Variants in SLC60A2 observed in about 807,000 individuals in gnomAD.
SLC60A2 encodes major facilitator superfamily domain containing 4B.
chr6:111,259,640 G>GGTGGTGGTC, the SLC60A2 span: 1 of 1,535,274 alleles, frequency 6.5e-7, no homozygotes, highest in Non-Finnish European at 8.8e-7. Flanking sequence ...AGCCGGAGGT[G>GGTGGTGGTC]GTGGTGGTCT....
chr6:111,263,711 A>G, the SLC60A2 span: 2 of 593,764 alleles, frequency 3.4e-6, no homozygotes, highest in Non-Finnish European at 6.1e-6. Context: ...AAAAACTCTC[A>G]TCTACTCATT....
the SLC60A2 span, chr6:111,265,358 C>T: frequency 1.0e-6 from 1 of 985,018 alleles, no homozygotes; most frequent in Non-Finnish European, 1.2e-6. Flanking sequence ...AAACGGTGTC[C>T]TTGTTTCCTC....
the SLC60A2 span, among the ~76,000 whole-genome samples, chr6:111,279,038 A>T: frequency 6.6e-6 from 1 of 152,162 alleles, no homozygotes; most frequent in Admixed American, 6.5e-5. Flanking sequence ...CTTAAATACC[A>T]ATTTGGTCTG....
At chr6:111,266,520 A>G in the SLC60A2 span, 45 of 1,614,032 alleles carry the variant, frequency 2.8e-5, no homozygotes, top group East Asian at 1.3e-4. Flanking sequence ...CAAGAACCCA[A>G]TTTGTCTCTG....
the SLC60A2 span, among the ~76,000 whole-genome samples, chr6:111,279,781 A>T: frequency 2.0e-5 from 3 of 152,092 alleles, no homozygotes; most frequent in African/African-American, 7.2e-5. Flanking sequence ...TGAATTTAAG[A>T]CTACTCACCT....
the SLC60A2 span, among the ~76,000 whole-genome samples, chr6:111,272,825 A>C: frequency 6.6e-6 from 1 of 150,552 alleles, no homozygotes; most frequent in Non-Finnish European, 1.5e-5. Flanking sequence ...ATCTAACTGT[A>C]TATATATATG....
the SLC60A2 span, chr6:111,263,820 A>C: frequency 1.3e-6 from 2 of 1,483,492 alleles, no homozygotes; most frequent in Non-Finnish European, 1.9e-6. Context: ...CTGAGTTTCT[A>C]CCTTCCCAGG....
At chr6:111,272,509 A>ATTTTT in the SLC60A2 span, among the ~76,000 whole-genome samples, 1 of 114,704 alleles carries the variant, frequency 8.7e-6, no homozygotes. Context: ...TTCTAACTGT[A>ATTTTT]TTTTTTTTTT....
chr6:111,278,183 A>T, the SLC60A2 span: 1 of 152,244 alleles, frequency 6.6e-6, no homozygotes, highest in Non-Finnish European at 1.5e-5. Context: ...GAAAAAATTA[A>T]AAACTGCCAA....
the SLC60A2 span, chr6:111,267,029 T>C: frequency 6.2e-7 from 1 of 1,614,078 alleles, no homozygotes; most frequent in Non-Finnish European, 8.5e-7. Flanking sequence ...ACCCATCAAA[T>C]GCACTGGTGT....
the SLC60A2 span, chr6:111,266,157 ATTTTT>A: frequency 6.2e-6 from 10 of 1,606,488 alleles, no homozygotes; most frequent in Non-Finnish European, 8.5e-6. Flanking sequence ...AGTTTCTGTC[ATTTTT>A]TTTTGTCTGT....
the SLC60A2 span, among the ~76,000 whole-genome samples, chr6:111,277,759 G>T: frequency 1.3e-4 from 20 of 152,248 alleles, no homozygotes; most frequent in South Asian, 4.1e-3. Flanking sequence ...CTATGTCTTT[G>T]GGGTAATTTT....
At chr6:111,269,829 G>C in the SLC60A2 span, 14 of 152,300 alleles carry the variant, frequency 9.2e-5, no homozygotes, top group Middle Eastern at 3.4e-3. Context: ...AAAAGACTTA[G>C]TACAATTCTA....
chr6:111,267,256 T>C, the SLC60A2 span: 2 of 793,548 alleles, frequency 2.5e-6, no homozygotes, highest in Admixed American at 6.2e-5. Context: ...ATGCTAAAAA[T>C]TTTTGAAATG....
the SLC60A2 span, chr6:111,266,064 G>C: frequency 6.2e-7 from 1 of 1,614,108 alleles, no homozygotes; most frequent in South Asian, 1.1e-5. Context: ...ATCATCTGAT[G>C]CTGACTCAGA....
the SLC60A2 span, among the ~76,000 whole-genome samples, chr6:111,261,674 A>G: frequency 6.6e-6 from 1 of 151,620 alleles, no homozygotes; most frequent in South Asian, 2.1e-4. Flanking sequence ...GCTCACTGCA[A>G]CCTCCGCATC....
chr6:111,279,979 T>C, the SLC60A2 span, among the ~76,000 whole-genome samples: 2 of 152,206 alleles, frequency 1.3e-5, no homozygotes, highest in African/African-American at 4.8e-5. Context: ...TATAAAAACT[T>C]GTTTGAATAA....
chr6:111,266,096 T>C, the SLC60A2 span: 12 of 1,614,074 alleles, frequency 7.4e-6, no homozygotes, highest in East Asian at 2.4e-4. Context: ...GAGTACCTAA[T>C]GATAAGAATT....
the SLC60A2 span, chr6:111,259,699 T>C: frequency 6.2e-7 from 1 of 1,600,400 alleles, no homozygotes; most frequent in Non-Finnish European, 8.5e-7. Context: ...TTCACCACCT[T>C]GATGCTGTGT....
Sources: allele counts gnomAD v4.1 joint callset (sites outside exome capture counted in the v4.1 genomes callset), GRCh38; gene constraint gnomAD v4.1.1; transcripts MANE v1.5; gene names NCBI Gene and HGNC (gene_info 2026-07-23, HGNC 2026-07-21).